PDP1: variants seen among roughly 807,000 people sequenced by gnomAD.
PDP1 encodes the protein pyruvate dehydrogenase phosphatase catalytic subunit 1.
Under a neutral mutation model 37.1 loss-of-function variants are expected in PDP1, and 14 were observed. The observed-to-expected ratio is 0.38, with a 90% CI of 0.25 to 0.59. PDP1 has a LOEUF of 0.59. Among genes scored for constraint, PDP1 ranks in the 20% least tolerant of loss-of-function variants. The pLI, the probability that PDP1 is intolerant of heterozygous loss-of-function variation, is 0.67. For synonymous variants in PDP1, 251 were observed against 243.3 expected, an observed-to-expected ratio of 1.03 and a Z score of -0.29; for missense variants, 544 against 655.3, an observed-to-expected ratio of 0.83 and a Z score of 1.85.
At position 93,924,786 on chromosome 8, in the gene PDP1, T is replaced by C. The variant is rs537546709; in HGVS notation, c.*1113T>C. The C allele has an allele frequency of 3.0e-5, 5 of 167,216 alleles. No individual in the cohort carries two copies. Among genetic ancestry groups the C allele is most frequent in the East Asian group, 1.9e-4 (1 of 5,194 alleles). The allele number at this position is 167,216 out of a possible 1,614,324, so 10.4% of individuals were successfully genotyped here. Reference sequence around the variant, plus strand: ...TTTAAACATATTGTAGCTTAAGATATATGTGTTAAGATATATACATGAGAA... The same window carrying C: ...TTTAAACATATTGTAGCTTAAGATACATGTGTTAAGATATATACATGAGAA... On this transcript the variant is annotated 3_prime_UTR_variant, in exon 2 of 2. Transcript: ENST00000297598.
chr8:93,924,066 T>C lies in PDP1; in HGVS notation c.*393T>C, dbSNP rs527981638. The C allele has an allele frequency of 1.6e-5, 4 of 244,978 alleles. No individual in the cohort carries two copies. The South Asian group carries it at 2.7e-4, about 17-fold the overall frequency. The allele number at this position is 244,978 out of a possible 1,614,324, so 15.2% of individuals were successfully genotyped here. The stretch of plus-strand genomic sequence containing the variant: ...CAGTACTGTTCACACCTTTCTTCAC[T>C]GAGATTCCAGTGTACATGAGAACAT... On this transcript the variant is annotated 3_prime_UTR_variant, in exon 2 of 2. Transcript: ENST00000297598.
At position 93,922,174 on chromosome 8, in the gene PDP1, A is replaced by G; in HGVS notation, c.115A>G (p.Ile39Val). The change falls in exon 2 of 2, where the codon ATT becomes GTT. Residue 39 changes from isoleucine to valine, a missense_variant. By Grantham distance (29) the Ile-to-Val change is conservative. Around this residue, in one of 5 missense-constraint regions of PDP1, gnomAD observed 342 missense variants for 414.0 expected, o/e 0.83. Coordinates refer to ENST00000297598, the MANE Select transcript of PDP1 (RefSeq NM_018444.4). The surrounding 1 kb of genome is among the most constrained non-coding windows in gnomAD (Gnocchi z 4.0). ...ACATCTCTGTTGTTCCTCATCGTACATTCCTCAGAGTCGACTGAGATACAC... is the reference window on the plus strand; with the variant it reads ...ACATCTCTGTTGTTCCTCATCGTACGTTCCTCAGAGTCGACTGAGATACAC... ...HKHLCCSSSY[I>V]PQSRLRYTPH... 1 of 1,614,162 alleles carries G rather than the reference A, an allele frequency of 6.2e-7. No individual in the cohort carries two copies. The highest frequency in any genetic ancestry group is 8.5e-7 in the Non-Finnish European group (1 of 1,180,020).
At chr8:93,918,599 T>A (rs1254677020) in intron 1 of PDP1, among the ~76,000 whole-genome samples, 1 of 152,198 alleles carries the variant, frequency 6.6e-6, no homozygotes, top group Non-Finnish European at 1.5e-5. Flanking sequence ...TGAGTCTAGA[T>A]CATGGAATAG....
intron 1 of PDP1, chr8:93,920,002 TTC>T (rs1446095889): frequency 1.3e-5 from 2 of 152,224 alleles, no homozygotes; most frequent in Non-Finnish European, 2.9e-5. Flanking sequence ...TTTCTGGAAT[TTC>T]TGTTTTTCAT....
chr8:93,923,217 TC>T lies in PDP1; in HGVS notation c.1160del (p.Pro387LeufsTer15), dbSNP rs1563517726. ...NDNEYTKFIP[P>X]NYHTPPYLTA... Reference sequence around the variant, plus strand: ...ACAATGAATATACCAAGTTTATTCCTCCTAATTATCACACACCTCCTTATCT... The same window carrying T: ...ACAATGAATATACCAAGTTTATTCCTCTAATTATCACACACCTCCTTATCT... On this transcript the variant is annotated frameshift_variant, in exon 2 of 2. Coordinates refer to ENST00000297598, the MANE Select transcript of PDP1 (RefSeq NM_018444.4). LOFTEE classifies it high-confidence loss of function. This position sits in a 1 kb window ranked among gnomAD's most constrained non-coding sequence, Gnocchi z 4.3. 1 of 1,614,134 alleles carries T rather than the reference TC, an allele frequency of 6.2e-7. No homozygotes were observed. The highest frequency in any genetic ancestry group is 8.5e-7 in the Non-Finnish European group (1 of 1,179,998).
chr8:93,924,377 G>T lies in PDP1; in HGVS notation c.*704G>T. On this transcript the variant is annotated 3_prime_UTR_variant, in exon 2 of 2. Coordinates refer to ENST00000297598, the MANE Select transcript of PDP1 (RefSeq NM_018444.4). ...TATCTACTCTTCTATTGAAGTTAAA[G>T]AAAGAAAAAAAGATTTTTTTATTTG... 1 of 166,890 alleles carries T rather than the reference G, an allele frequency of 6.0e-6. No individual in the cohort carries two copies. The allele number at this position is 166,890 out of a possible 1,614,324, so 10.3% of individuals were successfully genotyped here. A position where few individuals can be genotyped will look rare whatever the true frequency, so the allele number is the denominator to read the frequency against.
rs1463182645 is a variant in PDP1, at chr8:93,924,594, CTT to C, written c.*924_*925del. 1 of 166,992 alleles carries C rather than the reference CTT, an allele frequency of 6.0e-6. No homozygotes were observed. The highest frequency in any genetic ancestry group is 1.5e-5 in the Non-Finnish European group (1 of 68,100). The allele number at this position is 166,992 out of a possible 1,614,324, so 10.3% of individuals were successfully genotyped here. A position where few individuals can be genotyped will look rare whatever the true frequency, so the allele number is the denominator to read the frequency against. ...TACTTCTTATTTAGTAATGATAAGA[CTT>C]TTCATTATTTTTGGAATTTTAAAGA... On this transcript the variant is annotated 3_prime_UTR_variant, in exon 2 of 2. Coordinates refer to ENST00000297598, the MANE Select transcript of PDP1 (RefSeq NM_018444.4).
chr8:93,917,414 AG>A, intron 1 of PDP1, among the ~76,000 whole-genome samples: 1 of 151,774 alleles, frequency 6.6e-6, no homozygotes, highest in Non-Finnish European at 1.5e-5. Context: ...GCACTGCCTG[AG>A]GGTCTCCCTG....
rs1484187928 is a variant in PDP1 at position 93,926,017 on chromosome 8, A to G, written c.*2344A>G. 6.0e-6 allele frequency: 1 copy of G among 166,454 alleles called. No homozygotes were observed. The highest frequency in any genetic ancestry group is 1.5e-5 in the Non-Finnish European group (1 of 68,094). 10.3% of individuals were successfully genotyped at this position (166,454 alleles called of 1,614,324 possible). ...AAGACATGAAAGTTTAATGTACAGA[A>G]TGGTTGGAGAAATGCCTATGGTGAA... On this transcript the variant is annotated 3_prime_UTR_variant, in exon 2 of 2. Coordinates refer to ENST00000297598, the MANE Select transcript of PDP1 (RefSeq NM_018444.4).
At chr8:93,919,693 T>C (rs989710740) in intron 1 of PDP1, among the ~76,000 whole-genome samples, 2 of 151,690 alleles carry the variant, frequency 1.3e-5, no homozygotes, top group Admixed American at 6.6e-5. Flanking sequence ...TGTAAGATTC[T>C]TAAGTTTTAA....
At position 93,922,044 on chromosome 8, in the gene PDP1, A is replaced by T. The variant is rs1810288804; in HGVS notation, c.-16A>T. The T allele has an allele frequency of 6.2e-7, 1 of 1,600,810 alleles. No individual in the cohort carries two copies. The highest frequency in any genetic ancestry group is 1.3e-5 in the African/African-American group (1 of 74,742). On this transcript the variant is annotated 5_prime_UTR_variant, in exon 2 of 2. Transcript: ENST00000297598. The surrounding 1 kb of genome is among the most constrained non-coding windows in gnomAD (Gnocchi z 4.0). The stretch of plus-strand genomic sequence containing the variant: ...TCCCAGTCAGAAGTTCCAGCCTGCC[A>T]CTGTTCTCTGATGCCATGCCAGCAC...
At position 93,916,955 on chromosome 8, in the gene PDP1, C is replaced by T; in HGVS notation, c.-169C>T. Reference sequence around the variant, plus strand: ...CCGCACGGTAGGGGAGCAGAGTGGGCAGGCCGGGGGTGAGGGCTCGCGCTC... The same window carrying T: ...CCGCACGGTAGGGGAGCAGAGTGGGTAGGCCGGGGGTGAGGGCTCGCGCTC... On this transcript the variant is annotated 5_prime_UTR_variant, in exon 1 of 2. Transcript: ENST00000297598. 2.3e-6 allele frequency: 1 copy of T among 443,194 alleles called. No individual in the cohort carries two copies. Among genetic ancestry groups the T allele is most frequent in the Non-Finnish European group, 4.4e-6 (1 of 225,794 alleles). 27.5% of individuals were successfully genotyped at this position (443,194 alleles called of 1,614,324 possible).
chr8:93,920,845 A>G (rs1431269618), intron 1 of PDP1: 3 of 683,408 alleles, frequency 4.4e-6, no homozygotes, highest in Non-Finnish European at 3.6e-6. Flanking sequence ...CAGTGCATGT[A>G]TATATTGGTA....
intron 1 of PDP1, chr8:93,921,180 C>T: frequency 1.0e-6 from 1 of 982,292 alleles, no homozygotes; most frequent in African/African-American, 1.8e-5. Context: ...GGCATGAATC[C>T]TAGAAGAGCC....
At position 93,922,131 on chromosome 8, in the gene PDP1, A is replaced by G. The variant is rs987721531; in HGVS notation, c.72A>G (p.Ala24=). Residue 24 remains alanine (A), a synonymous_variant, in exon 2 of 2, where the codon GCA becomes GCG. Transcript: ENST00000297598. This position sits in a 1 kb window ranked among gnomAD's most constrained non-coding sequence, Gnocchi z 4.0. ...AACTGAGCAGGATCTATGGCACTGC[A>G]TGTTACTGCCACCACAAACATCTCT... ...NCELSRIYGT[A]CYCHHKHLCC... 5 of 1,613,828 alleles carry G rather than the reference A, an allele frequency of 3.1e-6. No homozygotes were observed. Among genetic ancestry groups the G allele is most frequent in the Non-Finnish European group, 3.4e-6 (4 of 1,179,820 alleles).
chr8:93,922,629 C>T lies in PDP1; in HGVS notation c.570C>T (p.Leu190=), dbSNP rs764899090. The T allele has an allele frequency of 4.3e-6, 7 of 1,614,142 alleles. No individual in the cohort carries two copies. In the South Asian group the frequency reaches 7.7e-5, roughly 18 times the overall value. Residue 190 remains leucine, a synonymous_variant, in exon 2 of 2, where the codon CTC becomes CTT. Transcript: ENST00000297598. This position sits in a 1 kb window ranked among gnomAD's most constrained non-coding sequence, Gnocchi z 4.0. ...VESGRALLPI[L]QWHKHPNDYF... ...GCGGCCGGGCACTGCTACCCATTCT[C>T]CAGTGGCACAAGCACCCCAATGATT...
In PDP1 at chr8:93,918,601, ATG is replaced by A. The variant is rs531495092; in HGVS notation, c.-45+1523_-45+1524del. 4.4e-3 allele frequency among the ~76,000 whole-genome samples: 664 copies of A among 152,322 alleles called. 1 individual carries two copies. Among genetic ancestry groups the A allele is most frequent in the Non-Finnish European group, 7.1e-3 (482 of 68,028 alleles). The stretch of plus-strand genomic sequence containing the variant: ...CATACAACGTGGCTGAGTCTAGATC[ATG>A]GAATAGGAAATTTTCCGTGAAAATT... On this transcript the variant is annotated intron_variant, in intron 1 of 1. Coordinates refer to ENST00000297598, the MANE Select transcript of PDP1 (RefSeq NM_018444.4).
Position 93,922,932 on chromosome 8 carries a change from T to C in PDP1, c.873T>C (p.Asp291=). Residue 291 remains aspartate (D), a synonymous_variant, in exon 2 of 2, where the codon GAT becomes GAC. Coordinates refer to ENST00000297598, the MANE Select transcript of PDP1 (RefSeq NM_018444.4). The surrounding 1 kb of genome is among the most constrained non-coding windows in gnomAD (Gnocchi z 4.0). ...GVDLHVANTG[D]SRAMLGVQEE... is the part of the protein sequence containing the mutation. ...ACCTTCATGTGGCCAATACTGGCGA[T>C]AGCAGAGCCATGCTGGGTGTGCAGG... 6.2e-7 allele frequency: 1 copy of C among 1,614,202 alleles called. No homozygotes were observed.
chr8:93,919,504 C>A (rs546408193), intron 1 of PDP1, among the ~76,000 whole-genome samples: 3 of 136,936 alleles, frequency 2.2e-5, no homozygotes, highest in Admixed American at 7.3e-5. Flanking sequence ...CCTCCCCCCC[C>A]CCGGCAAAAA....
Sources: allele counts gnomAD v4.1 joint callset (sites outside exome capture counted in the v4.1 genomes callset), GRCh38; gene constraint gnomAD v4.1.1; regional missense constraint gnomAD v4.1.1; non-coding constraint Gnocchi (gnomAD v3.1); transcripts MANE v1.5; gene names NCBI Gene and HGNC (gene_info 2026-07-23, HGNC 2026-07-21).